The following SHOC2 variants were observed in gnomAD, a reference collection of about 807,000 sequenced individuals.
SHOC2 encodes leucine-rich repeat protein SHOC-2.
SHOC2 carries 4 observed loss-of-function variants against 50.2 expected under a neutral mutation model. The ratio of observed to expected loss-of-function variants is 0.08; its 90% CI spans 0.04 to 0.18. SHOC2 has a LOEUF of 0.18. SHOC2 is among the 10% of genes least tolerant of loss of function. SHOC2 has a pLI of 1.00. For missense variants in SHOC2, 388 were observed against 669.6 expected (o/e 0.58, Z 4.64); for synonymous variants, 218 against 244.5 (o/e 0.89, Z 1.01).
chr10:110,999,736 C>CAAAAAAAAAAAAAAAAAAAAAAAAAA (rs145780250), intron 3 of SHOC2, among the ~76,000 whole-genome samples: 1 of 81,690 alleles, frequency 1.2e-5, no homozygotes, highest in Admixed American at 1.3e-4. Flanking sequence ...GACTCAGTCT[C>CAAAAAAAAAAAAAAAAAAAAAAAAAA]AAAAAAAAAA....
At chr10:110,922,263 A>T (rs901165392) in intron 1 of SHOC2, among the ~76,000 whole-genome samples, 2 of 152,120 alleles carry the variant, frequency 1.3e-5, no homozygotes, top group African/African-American at 4.8e-5. Flanking sequence ...ATGTTTCCAA[A>T]GATGGCTTCC....
At chr10:110,973,317 G>A (rs570909128) in intron 2 of SHOC2, among the ~76,000 whole-genome samples, 1 of 152,184 alleles carries the variant, frequency 6.6e-6, no homozygotes, top group Non-Finnish European at 1.5e-5. Context: ...TCAAATAAGA[G>A]TAAAGGAAAG....
In SHOC2 at chr10:110,991,673, G is replaced by T. The variant is rs144980298; in HGVS notation, c.841+5908G>T. On this transcript the variant is annotated intron_variant, in intron 3 of 8. Transcript: ENST00000369452. Reference sequence around the variant, plus strand: ...TCCTTTCCAGTCCTAGTATTTTGATGATGTAGCAGAAGATTGAGGTTTGGT... The same window carrying T: ...TCCTTTCCAGTCCTAGTATTTTGATTATGTAGCAGAAGATTGAGGTTTGGT... Among the ~76,000 whole-genome samples, 486 of 152,218 alleles carry T rather than the reference G, an allele frequency of 3.2e-3. 26 individuals are homozygous for T. The South Asian group carries it at 0.093, about 29-fold the overall frequency.
At chr10:110,984,250 G>C (rs1848037153) in intron 2 of SHOC2, among the ~76,000 whole-genome samples, 1 of 152,156 alleles carries the variant, frequency 6.6e-6, no homozygotes, top group Admixed American at 6.5e-5. Flanking sequence ...AGTGATTACT[G>C]ATGTTGAGCG....
At chr10:110,944,146 G>A (rs1269456175) in intron 1 of SHOC2, among the ~76,000 whole-genome samples, 1 of 152,160 alleles carries the variant, frequency 6.6e-6, no homozygotes, top group South Asian at 2.1e-4. Context: ...AATGTGACAT[G>A]TTACAAAGTT....
At chr10:110,997,861 T>A (rs1848297178) in intron 3 of SHOC2, among the ~76,000 whole-genome samples, 1 of 152,202 alleles carries the variant, frequency 6.6e-6, no homozygotes, top group African/African-American at 2.4e-5. Flanking sequence ...GCTTCCAATT[T>A]AAATAATTAT....
At chr10:110,972,573 C>CA (rs796748027) in intron 2 of SHOC2, among the ~76,000 whole-genome samples, 5 of 151,900 alleles carry the variant, frequency 3.3e-5, no homozygotes, top group African/African-American at 4.8e-5. Flanking sequence ...CTAAAGGAGG[C>CA]AAAAAAACAA....
At chr10:110,936,703 T>A in intron 1 of SHOC2, 2 of 938,680 alleles carry the variant, frequency 2.1e-6, no homozygotes, top group Non-Finnish European at 3.4e-6. Flanking sequence ...CCTGTTTCCG[T>A]AGGCTTATGA....
intron 1 of SHOC2, among the ~76,000 whole-genome samples, chr10:110,953,928 C>T (rs1847407767): frequency 6.6e-6 from 1 of 150,594 alleles, no homozygotes; most frequent in Non-Finnish European, 1.5e-5. Context: ...TATATTTAAC[C>T]TAAGTGAAGT....
intron 2 of SHOC2, among the ~76,000 whole-genome samples, chr10:110,972,063 T>C (rs1244115001): frequency 3.3e-5 from 5 of 151,580 alleles, no homozygotes; most frequent in Non-Finnish European, 7.4e-5. Context: ...TCAATAAATG[T>C]GGCTTGAAGG....
intron 1 of SHOC2, among the ~76,000 whole-genome samples, chr10:110,957,498 G>A (rs1347039991): frequency 6.6e-6 from 1 of 151,574 alleles, no homozygotes; most frequent in African/African-American, 2.4e-5. Context: ...AAATTCTCCT[G>A]CAGGAAGAAC....
chr10:111,000,288 G>C, intron 3 of SHOC2, 127 bp from the exon 4 acceptor site: 1 of 836,286 alleles, frequency 1.2e-6, no homozygotes, highest in East Asian at 2.6e-5. Context: ...CCTTGTGCTA[G>C]AAGTTAAGGA....
intron 2 of SHOC2, among the ~76,000 whole-genome samples, chr10:110,969,370 C>T (rs1398599383): frequency 1.3e-5 from 2 of 152,148 alleles, no homozygotes; most frequent in African/African-American, 4.8e-5. Context: ...CCTTTCCCAA[C>T]TGATTGGTTC....
intron 2 of SHOC2, among the ~76,000 whole-genome samples, chr10:110,977,855 C>T (rs1222076356): frequency 6.6e-6 from 1 of 152,184 alleles, no homozygotes; most frequent in Non-Finnish European, 1.5e-5. Flanking sequence ...CCTTGTGTGA[C>T]TGCTGGGAAT....
chr10:110,973,986 C>T (rs537092747), intron 2 of SHOC2, among the ~76,000 whole-genome samples: 1 of 151,712 alleles, frequency 6.6e-6, no homozygotes, highest in Non-Finnish European at 1.5e-5. Context: ...TTTTACTGAT[C>T]TTTTAAAAAT....
Position 111,011,937 on chromosome 10 carries a change from T to C in SHOC2, c.*119T>C. ...TGGCAGATTTATAAAAATTGCATTA[T>C]GTGTTTCTGCTAATAGAGGAATCAT... On this transcript the variant is annotated 3_prime_UTR_variant, in exon 9 of 9. Coordinates refer to ENST00000369452, the MANE Select transcript of SHOC2 (RefSeq NM_007373.4). 1 of 846,540 alleles carries C rather than the reference T, an allele frequency of 1.2e-6. No individual in the cohort carries two copies. Among genetic ancestry groups the C allele is most frequent in the Non-Finnish European group, 1.9e-6 (1 of 522,764 alleles). 52.4% of individuals were successfully genotyped at this position (846,540 alleles called of 1,614,324 possible).
rs137922481 is a variant in SHOC2 at position 111,011,063 on chromosome 10, T to G, written c.1541-547T>G. On this transcript the variant is annotated intron_variant, in intron 8 of 8. Transcript: ENST00000369452. Reference sequence around the variant, plus strand: ...GAATACAAGTATCCTAAGAAAAAATTTTTAAAGGTCTACATAAGTCAGTTT... The same window carrying G: ...GAATACAAGTATCCTAAGAAAAAATGTTTAAAGGTCTACATAAGTCAGTTT... Among the ~76,000 whole-genome samples the G allele has an allele frequency of 7.2e-5, 11 of 152,288 alleles. No homozygotes were observed. The East Asian group carries it at 2.1e-3, about 29-fold the overall frequency.
intron 1 of SHOC2, among the ~76,000 whole-genome samples, chr10:110,953,351 A>G (rs1001044337): frequency 6.6e-6 from 1 of 152,124 alleles, no homozygotes; most frequent in Non-Finnish European, 1.5e-5. Flanking sequence ...CCCTGGTTTT[A>G]TCTTTGCCAG....
At chr10:110,932,533 G>C (rs546614830) in intron 1 of SHOC2, among the ~76,000 whole-genome samples, 1 of 152,284 alleles carries the variant, frequency 6.6e-6, no homozygotes, top group Non-Finnish European at 1.5e-5. Flanking sequence ...GAGAAAAATT[G>C]ATAAGATTTG....
Sources: gnomAD v4.1 joint callset for allele counts (sites outside exome capture counted in the v4.1 genomes callset) on GRCh38, gnomAD v4.1.1 for gene constraint, MANE v1.5 for transcripts, NCBI Gene and HGNC (gene_info 2026-07-23, HGNC 2026-07-21) for gene names.